CR1: variants seen among roughly 807,000 people sequenced by gnomAD.
CR1 encodes complement receptor type 1.
CR1 carries 116 observed loss-of-function variants against 187.3 expected under a neutral mutation model. The ratio of observed to expected loss-of-function variants is 0.62; its 90% CI spans 0.53 to 0.72. The LOEUF is 0.72. CR1 is among the 30% of genes least tolerant of loss of function. The pLI is 0.00. For synonymous variants in CR1, 576 were observed against 747.1 expected, an observed-to-expected ratio of 0.77 and a Z score of 3.73; for missense variants, 1,731 against 2,110.7, an observed-to-expected ratio of 0.82 and a Z score of 3.52.
Position 207,567,363 on chromosome 1 carries a change from C to T in CR1, c.3953-461C>T, listed in dbSNP as rs115628165. 1.5e-3 allele frequency among the ~76,000 whole-genome samples: 224 copies of T among 147,918 alleles called. 22 individuals carry two copies. Among genetic ancestry groups the T allele is most frequent in the African/African-American group, 5.6e-3 (217 of 38,822 alleles). On this transcript the variant is annotated intron_variant, in intron 24 of 46. Transcript: ENST00000367049. ...TTGATGATCAATATCAATAAGTAAT[C>T]AGTGAAAGGTTTCACCTATTTAAGA... is the stretch of plus-strand genomic sequence containing the variant.
intron 32 of CR1, among the ~76,000 whole-genome samples, chr1:207,582,846 A>G (rs547376849): frequency 6.6e-6 from 1 of 152,358 alleles, no homozygotes; most frequent in African/African-American, 2.4e-5. Context: ...AGCAACCGCC[A>G]GGGTAGAATT....
intron 45 of CR1, among the ~76,000 whole-genome samples, chr1:207,630,049 C>G (rs1395983915): frequency 1.3e-5 from 2 of 152,096 alleles, no homozygotes; most frequent in Admixed American, 6.6e-5. Context: ...TTCTTAAATA[C>G]CTTCATGACA....
At chr1:207,574,120 A>G (rs1487947787) in intron 27 of CR1, among the ~76,000 whole-genome samples, 4 of 152,188 alleles carry the variant, frequency 2.6e-5, no homozygotes. Flanking sequence ...TGACAGAATG[A>G]GACCCTGTCT....
intron 33 of CR1, among the ~76,000 whole-genome samples, chr1:207,586,124 T>G (rs942194126): frequency 3.3e-4 from 50 of 150,140 alleles, no homozygotes; most frequent in Admixed American, 3.2e-3. Context: ...TTGTTTTGTT[T>G]TGTGTGTGTG....
chr1:207,576,636 G>A (rs1660754252), intron 28 of CR1, among the ~76,000 whole-genome samples: 1 of 152,090 alleles, frequency 6.6e-6, no homozygotes, highest in Non-Finnish European at 1.5e-5. Context: ...TGTACAACAT[G>A]GTGAAATCAT....
chr1:207,596,844 TATG>T (rs144049915), intron 35 of CR1, among the ~76,000 whole-genome samples: 5,016 of 147,790 alleles, frequency 0.034, 273 homozygotes, highest in African/African-American at 0.11. Flanking sequence ...AAATAATAAA[TATG>T]ATATAAATTT....
At chr1:207,581,890 A>T in intron 31 of CR1, 28 bp from the exon 32 acceptor site, 1 of 1,523,228 alleles carries the variant, frequency 6.6e-7, no homozygotes, top group Non-Finnish European at 9.1e-7. Context: ...TGGTGCATTC[A>T]TCCAGCCACT....
chr1:207,499,641 AC>A (rs1176088856), intron 1 of CR1, among the ~76,000 whole-genome samples: 1 of 152,198 alleles, frequency 6.6e-6, no homozygotes, highest in Non-Finnish European at 1.5e-5. Flanking sequence ...AAAATAGTAC[AC>A]GAATTAAGCT....
intron 43 of CR1, among the ~76,000 whole-genome samples, chr1:207,621,627 T>C (rs1391246749): frequency 6.6e-6 from 1 of 152,202 alleles, no homozygotes. Flanking sequence ...TTGTTGTAAC[T>C]TATATTTCTA....
chr1:207,596,765 AG>A (rs991937600), intron 35 of CR1, among the ~76,000 whole-genome samples: 2 of 148,584 alleles, frequency 1.3e-5, no homozygotes, highest in African/African-American at 4.9e-5. Context: ...TACAAAGCAC[AG>A]GGGGAAGGTT....
In CR1 at chr1:207,617,483, G is replaced by T. The variant is rs1383655576; in HGVS notation, c.6890-588G>T. On this transcript the variant is annotated intron_variant, in intron 41 of 46. Transcript: ENST00000367049. ...GTGCATATGTACCCTAGAACTTAAA[G>T]TATATATATATATATATATATATAT... 4.8e-5 allele frequency among the ~76,000 whole-genome samples: 2 copies of T among 41,770 alleles called. 1 individual carries two copies. The highest frequency in any genetic ancestry group is 1.6e-4 in the African/African-American group (2 of 12,858). The allele number at this position is 41,770 out of a possible 152,430, so 27.4% of individuals were successfully genotyped here.
At chr1:207,605,426 ACAG>A (rs1164718945) in intron 35 of CR1, among the ~76,000 whole-genome samples, 5 of 152,214 alleles carry the variant, frequency 3.3e-5, no homozygotes, top group Admixed American at 3.3e-4. Flanking sequence ...ATCATTTGCA[ACAG>A]AAACATATAT....
At chr1:207,598,489 G>C (rs1390190342) in intron 35 of CR1, among the ~76,000 whole-genome samples, 1 of 151,172 alleles carries the variant, frequency 6.6e-6, no homozygotes, top group African/African-American at 2.4e-5. Context: ...GCACTATCTC[G>C]GTTCACTGCA....
Position 207,602,456 on chromosome 1 carries a change from G to A in CR1, c.5811-4795G>A, listed in dbSNP as rs143708342. ...AACAAGTAAGGTTATTCCAGAAATG[G>A]TTCCAAATTAGGAAACCCACAAACT... is the stretch of plus-strand genomic sequence containing the variant. On this transcript the variant is annotated intron_variant, in intron 35 of 46. Transcript: ENST00000367049. Among the ~76,000 whole-genome samples the A allele has an allele frequency of 1.6e-3, 243 of 152,068 alleles. 1 individual carries two copies. Among genetic ancestry groups the A allele is most frequent in the African/African-American group, 4.6e-3 (192 of 41,484 alleles).
chr1:207,522,747 A>G (rs1660035862), intron 4 of CR1, among the ~76,000 whole-genome samples: 1 of 152,050 alleles, frequency 6.6e-6, no homozygotes, highest in African/African-American at 2.4e-5. Flanking sequence ...AGAGCCTGAA[A>G]AATTTTTATT....
At position 207,496,343 on chromosome 1, in the gene CR1, T is replaced by A; in HGVS notation, c.76T>A (p.Ser26Thr). 6.2e-7 allele frequency: 1 copy of A among 1,612,924 alleles called. No homozygotes were observed. Among genetic ancestry groups the A allele is most frequent in the Non-Finnish European group, 8.5e-7 (1 of 1,179,674 alleles). The change falls in exon 1 of 47, where the codon TCC (serine) becomes ACC (threonine). Residue 26 changes from serine (S) to threonine (T), a missense_variant. By Grantham distance (58) the Ser-to-Thr change is moderately conservative. Coordinates refer to ENST00000367049, the MANE Select transcript of CR1 (RefSeq NM_000651.6). ...APGLPFCCGGSLLAVVVLLAL... is the reference protein window; with the variant it reads ...APGLPFCCGGTLLAVVVLLAL... ...CGGTCTCCCCTTCTGCTGCGGAGGA[T>A]CCCTGCTGGCGGTTGTGGTGCTGCT...
In CR1 at chr1:207,518,756, C is replaced by A. The variant is rs562076015; in HGVS notation, c.488-4855C>A. ...TGCTCTTCTGTCTCCTATAAAGACA[C>A]TGGACATGGATTTAGAGGCCACCCT... is the stretch of plus-strand genomic sequence containing the variant. On this transcript the variant is annotated intron_variant, in intron 4 of 46. Transcript: ENST00000367049. Among the ~76,000 whole-genome samples the A allele has an allele frequency of 2.0e-5, 3 of 152,302 alleles. No homozygotes were observed. The South Asian group carries it at 6.2e-4, about 32-fold the overall frequency.
In CR1 at chr1:207,524,113, T is replaced by C; in HGVS notation, c.886+104T>C. 6.9e-6 allele frequency: 11 copies of C among 1,598,712 alleles called. 1 individual carries two copies. In the South Asian group the frequency reaches 1.0e-4, roughly 14 times the overall value. ...GGGGAGGGATGTGTGCTGAGCAGGG[T>C]CGAGGAGCAAATTTTCTAGGTAGTG... is the stretch of plus-strand genomic sequence containing the variant. On this transcript the variant is annotated intron_variant, in intron 5 of 46. Transcript: ENST00000367049.
intron 41 of CR1, 77 bp from the exon 42 acceptor site, chr1:207,617,994 T>C: frequency 3.4e-6 from 5 of 1,474,964 alleles, no homozygotes; most frequent in Non-Finnish European, 4.6e-6. Flanking sequence ...CCAGAGATAT[T>C]GGATGTGTTC....
Sources: allele counts gnomAD v4.1 joint callset (sites outside exome capture counted in the v4.1 genomes callset), GRCh38; gene constraint gnomAD v4.1.1; transcripts MANE v1.5; gene names NCBI Gene and HGNC (gene_info 2026-07-23, HGNC 2026-07-21).